EGFLAM: variants seen among roughly 807,000 people sequenced by gnomAD.
The protein encoded by EGFLAM is pikachurin.
Under a neutral mutation model 113.1 loss-of-function variants are expected in EGFLAM, and 79 were observed. That is an observed-to-expected ratio of 0.70 (90% CI 0.58 to 0.84). The LOEUF is 0.84. EGFLAM is among the 40% of genes least tolerant of loss of function. The pLI, the probability that EGFLAM is intolerant of heterozygous loss-of-function variation, is 0.00. For synonymous variants in EGFLAM, 504 were observed against 487.6 expected (o/e 1.03, Z -0.44); for missense variants, 1,265 against 1,291.6 (o/e 0.98, Z 0.32).
chr5:38,333,682 T>C (rs1739108357), intron 1 of EGFLAM, among the ~76,000 whole-genome samples: 1 of 152,140 alleles, frequency 6.6e-6, no homozygotes, highest in Non-Finnish European at 1.5e-5. Flanking sequence ...TTAAGTTCCC[T>C]ACAAATGCTG....
intron 1 of EGFLAM, among the ~76,000 whole-genome samples, chr5:38,262,798 A>G (rs1458591992): frequency 6.6e-6 from 1 of 152,212 alleles, no homozygotes; most frequent in Non-Finnish European, 1.5e-5. Context: ...ACGTGCACGT[A>G]GAAGTCTTTG....
At chr5:38,345,394 C>A (rs1739448547) in intron 3 of EGFLAM, 1 of 152,236 alleles carries the variant, frequency 6.6e-6, no homozygotes, top group South Asian at 2.1e-4. Context: ...AGGCAAGAGT[C>A]CTGAAAGTCG....
chr5:38,440,334 A>G (rs779398302), intron 17 of EGFLAM, among the ~76,000 whole-genome samples: 4 of 152,204 alleles, frequency 2.6e-5, no homozygotes, highest in Non-Finnish European at 5.9e-5. Context: ...GAAGGTTCAT[A>G]TATCAGAGGT....
intron 5 of EGFLAM, among the ~76,000 whole-genome samples, chr5:38,362,728 A>G (rs1367381998): frequency 6.6e-6 from 1 of 152,110 alleles, no homozygotes; most frequent in Non-Finnish European, 1.5e-5. Context: ...CACCTACTAG[A>G]CTAGCACCTG....
chr5:38,337,698 C>T (rs760263389), intron 2 of EGFLAM, 69 bp downstream of exon 2: 94 of 1,312,248 alleles, frequency 7.2e-5, no homozygotes, highest in Non-Finnish European at 9.3e-5. Context: ...CTCATCCTTG[C>T]TTTTTCTAGA....
chr5:38,455,648 G>A (rs1743062775), intron 19 of EGFLAM, among the ~76,000 whole-genome samples: 1 of 152,126 alleles, frequency 6.6e-6, no homozygotes, highest in Admixed American at 6.5e-5. Context: ...GAGGTTCTTT[G>A]GAGGGTCTGA....
intron 6 of EGFLAM, among the ~76,000 whole-genome samples, chr5:38,384,854 A>G (rs1406502129): frequency 6.6e-6 from 1 of 152,050 alleles, no homozygotes; most frequent in Non-Finnish European, 1.5e-5. Flanking sequence ...ACTGGGGGTG[A>G]TTTTGGTCCC....
At chr5:38,430,443 C>T (rs1742153279) in intron 14 of EGFLAM, among the ~76,000 whole-genome samples, 1 of 152,148 alleles carries the variant, frequency 6.6e-6, no homozygotes, top group Non-Finnish European at 1.5e-5. Flanking sequence ...TGTATGAAGG[C>T]ATCCAATAAA....
At chr5:38,438,552 G>C in intron 17 of EGFLAM, 97 bp downstream of exon 17, 2 of 1,216,368 alleles carry the variant, frequency 1.6e-6, no homozygotes, top group African/African-American at 1.5e-5. Flanking sequence ...AGTTGTAACA[G>C]TGGTACAACC....
At chr5:38,385,800 C>T (rs1347940336) in intron 6 of EGFLAM, among the ~76,000 whole-genome samples, 1 of 152,148 alleles carries the variant, frequency 6.6e-6, no homozygotes, top group Non-Finnish European at 1.5e-5. Flanking sequence ...GAACTAAATA[C>T]AGTAATGCGT....
intron 6 of EGFLAM, among the ~76,000 whole-genome samples, chr5:38,378,303 A>G (rs1287663936): frequency 6.6e-6 from 1 of 152,072 alleles, no homozygotes; most frequent in Non-Finnish European, 1.5e-5. Flanking sequence ...GCTTTTGCCC[A>G]GTTTTGCTCT....
At chr5:38,278,231 A>C (rs1469441806) in intron 1 of EGFLAM, among the ~76,000 whole-genome samples, 5 of 152,148 alleles carry the variant, frequency 3.3e-5, no homozygotes. Context: ...TCCAAAAGTA[A>C]ATCCACACAT....
At chr5:38,440,220 A>G (rs1366752203) in intron 17 of EGFLAM, among the ~76,000 whole-genome samples, 1 of 152,178 alleles carries the variant, frequency 6.6e-6, no homozygotes, top group Non-Finnish European at 1.5e-5. Flanking sequence ...CAAGATTGGA[A>G]CCCAGATGAG....
At chr5:38,272,682 A>G (rs1308681688) in intron 1 of EGFLAM, among the ~76,000 whole-genome samples, 1 of 152,148 alleles carries the variant, frequency 6.6e-6, no homozygotes, top group East Asian at 1.9e-4. Context: ...ATAAAAATGA[A>G]TACTCCTGGT....
At chr5:38,291,319 C>T (rs370052470) in intron 1 of EGFLAM, among the ~76,000 whole-genome samples, 2 of 152,136 alleles carry the variant, frequency 1.3e-5, no homozygotes, top group Non-Finnish European at 1.5e-5. Context: ...CATTTTCGGC[C>T]CATGTTGGCT....
chr5:38,353,794 T>G (rs1309863165), intron 5 of EGFLAM, among the ~76,000 whole-genome samples: 1 of 152,178 alleles, frequency 6.6e-6, no homozygotes, highest in Non-Finnish European at 1.5e-5. Context: ...TGGCTTCATT[T>G]TAGATGGGCT....
intron 12 of EGFLAM, 124 bp downstream of exon 12, chr5:38,418,379 C>G: frequency 8.1e-7 from 1 of 1,240,048 alleles, no homozygotes; most frequent in Non-Finnish European, 1.1e-6. Flanking sequence ...CTGGTACCTT[C>G]AGAACATCAG....
In EGFLAM at chr5:38,451,478, C is replaced by A. The variant is rs1347556896; in HGVS notation, c.2687+20C>A. Reference sequence around the variant, plus strand: ...GTTCAGGTAACCCCCTCTCCATCTGCCTTCAGCAGCACCTTGCGATTTTCT... The same window carrying A: ...GTTCAGGTAACCCCCTCTCCATCTGACTTCAGCAGCACCTTGCGATTTTCT... On this transcript the variant is annotated intron_variant, in intron 19 of 21. Coordinates refer to ENST00000322350, the MANE Select transcript of EGFLAM (RefSeq NM_152403.4). 2.5e-6 allele frequency: 4 copies of A among 1,611,166 alleles called. No individual in the cohort carries two copies. The East Asian group carries it at 8.9e-5, about 36-fold the overall frequency.
intron 18 of EGFLAM, among the ~76,000 whole-genome samples, chr5:38,450,913 G>A (rs148113572): frequency 3.3e-5 from 5 of 152,342 alleles, no homozygotes; most frequent in African/African-American, 7.2e-5. Flanking sequence ...ATCCACAGCC[G>A]TGGTCCTAGC....
Sources: allele counts gnomAD v4.1 joint callset (sites outside exome capture counted in the v4.1 genomes callset), GRCh38; gene constraint gnomAD v4.1.1; transcripts MANE v1.5; gene names NCBI Gene and HGNC (gene_info 2026-07-23, HGNC 2026-07-21).